C17orf67: variants seen among roughly 807,000 people sequenced by gnomAD.
C17orf67 encodes the protein chromosome 17 open reading frame 67.
C17orf67 carries 12 observed loss-of-function variants against 11.2 expected under a neutral mutation model. The observed-to-expected ratio is 1.07, with a 90% CI of 0.68 to 1.73. The LOEUF is 1.73. Among genes scored for constraint, C17orf67 ranks in the 40% most tolerant of loss-of-function variants. C17orf67 has a pLI of 0.00. For synonymous variants in C17orf67, 59 were observed against 46.9 expected (o/e 1.26, Z -1.05); for missense variants, 115 against 113.5 (o/e 1.01, Z -0.06).
At chr17:56,804,195 AAAG>A (rs1242553571) in intron 6 of C17orf67, 10 of 152,238 alleles carry the variant, frequency 6.6e-5, no homozygotes, top group African/African-American at 2.4e-4. Flanking sequence ...GCAGAAATTA[AAAG>A]TAGTCCTTTA....
intron 6 of C17orf67, among the ~76,000 whole-genome samples, chr17:56,812,186 A>G (rs1269097859): frequency 6.6e-6 from 1 of 152,266 alleles, no homozygotes; most frequent in Non-Finnish European, 1.5e-5. Flanking sequence ...AGACACACAC[A>G]GCGTGACAGA....
chr17:56,811,016 A>T (rs1394367028), intron 6 of C17orf67, among the ~76,000 whole-genome samples: 1 of 152,164 alleles, frequency 6.6e-6, no homozygotes, highest in Non-Finnish European at 1.5e-5. Context: ...CAGGGCCAGC[A>T]TGAGGTGAGG....
At chr17:56,808,770 G>A (rs1272735359) in intron 6 of C17orf67, among the ~76,000 whole-genome samples, 2 of 152,172 alleles carry the variant, frequency 1.3e-5, no homozygotes, top group Admixed American at 6.5e-5. Context: ...ATCCACAGAA[G>A]CCAACCTCTG....
At chr17:56,812,218 C>T (rs1905646374) in intron 6 of C17orf67, among the ~76,000 whole-genome samples, 1 of 152,202 alleles carries the variant, frequency 6.6e-6, no homozygotes, top group South Asian at 2.1e-4. Context: ...AAAAAGTTTA[C>T]TTGGCAATGT....
chr17:56,794,954 G>A (rs1213259304), intron 7 of C17orf67, 90 bp downstream of exon 7: 4 of 868,118 alleles, frequency 4.6e-6, no homozygotes, highest in African/African-American at 3.3e-5. Context: ...TGGCCCCCCT[G>A]AGGCATGGTC....
chr17:56,829,903 T>C (rs1461200506), intron 2 of C17orf67, among the ~76,000 whole-genome samples: 2 of 152,248 alleles, frequency 1.3e-5, no homozygotes, highest in Admixed American at 1.3e-4. Flanking sequence ...ATTTCTATTT[T>C]ATCCTCTACA....
At chr17:56,818,771 A>C (rs966751635) in intron 4 of C17orf67, among the ~76,000 whole-genome samples, 1 of 152,054 alleles carries the variant, frequency 6.6e-6, no homozygotes, top group Non-Finnish European at 1.5e-5. Flanking sequence ...CTTTTTTTGT[A>C]CTAAACCTTC....
chr17:56,805,888 T>A (rs963558747), intron 6 of C17orf67, among the ~76,000 whole-genome samples: 9 of 151,506 alleles, frequency 5.9e-5, no homozygotes, highest in Non-Finnish European at 1.2e-4. Flanking sequence ...ATACTTTTTT[T>A]AAATATATAC....
At chr17:56,801,003 C>T (rs1463866250) in intron 6 of C17orf67, among the ~76,000 whole-genome samples, 3 of 152,220 alleles carry the variant, frequency 2.0e-5, no homozygotes, top group Non-Finnish European at 2.9e-5. Context: ...GAGCTATGAT[C>T]GTGCCACCGC....
chr17:56,832,618 T>C (rs1305765941), intron 2 of C17orf67, among the ~76,000 whole-genome samples: 3 of 152,184 alleles, frequency 2.0e-5, no homozygotes, highest in Non-Finnish European at 4.4e-5. Context: ...CTAACCTTAC[T>C]TACACTGACC....
intron 6 of C17orf67, among the ~76,000 whole-genome samples, chr17:56,798,938 C>A (rs1445472114): frequency 2.0e-5 from 3 of 152,288 alleles, no homozygotes; most frequent in South Asian, 4.2e-4. Context: ...TGAAGGGGAG[C>A]TGATATACAC....
intron 5 of C17orf67, 105 bp downstream of exon 5, chr17:56,815,651 T>A (rs917265853): frequency 7.8e-6 from 7 of 894,570 alleles, no homozygotes; most frequent in Admixed American, 4.0e-5. Context: ...CATTGAAATA[T>A]CTATATACAC....
chr17:56,798,592 C>T (rs1418989962), intron 6 of C17orf67, among the ~76,000 whole-genome samples: 2 of 152,060 alleles, frequency 1.3e-5, no homozygotes, highest in Non-Finnish European at 2.9e-5. Flanking sequence ...ATTTGGGAGG[C>T]TGAGGTGGGC....
intron 2 of C17orf67, among the ~76,000 whole-genome samples, chr17:56,828,969 C>A (rs1473457108): frequency 2.0e-5 from 3 of 152,032 alleles, no homozygotes; most frequent in African/African-American, 4.8e-5. Context: ...ACAGCACCAA[C>A]GCAATGCTGA....
At position 56,815,801 on chromosome 17, in the gene C17orf67, A is replaced by G. The variant is rs759802017; in HGVS notation, c.10T>C (p.Leu4=). The change falls in exon 5 of 8, where the codon TTG becomes CTG. Residue 4 remains leucine (L), a synonymous_variant. Transcript: ENST00000397861. MKT[L]PVLVLSLTLL... is the part of the protein sequence containing the mutation. The stretch of plus-strand genomic sequence containing the variant: ...GTAAGAGACAGCACGAGCACAGGCA[A>G]TGTCTTCATCCTGCCTTGGTTCCTC... The G allele has an allele frequency of 6.2e-6, 10 of 1,613,796 alleles. No individual in the cohort carries two copies. Among genetic ancestry groups the G allele is most frequent in the Non-Finnish European group, 8.5e-6 (10 of 1,179,894 alleles).
At chr17:56,822,137 A>G (rs1291872559) in intron 4 of C17orf67, among the ~76,000 whole-genome samples, 2 of 152,238 alleles carry the variant, frequency 1.3e-5, no homozygotes, top group African/African-American at 2.4e-5. Flanking sequence ...ATCCCTCAGA[A>G]TAAATGACAG....
At chr17:56,801,327 A>T (rs1013613847) in intron 6 of C17orf67, among the ~76,000 whole-genome samples, 2 of 152,064 alleles carry the variant, frequency 1.3e-5, no homozygotes, top group Non-Finnish European at 2.9e-5. Flanking sequence ...TCAATATCAT[A>T]AAAACTCTAA....
At chr17:56,803,896 A>C (rs1905384139) in intron 6 of C17orf67, 1 of 152,244 alleles carries the variant, frequency 6.6e-6, no homozygotes, top group South Asian at 2.1e-4. Context: ...TATGCCACAA[A>C]GGCTTAAAAA....
At chr17:56,827,421 G>C (rs1161856138) in intron 2 of C17orf67, among the ~76,000 whole-genome samples, 1 of 152,194 alleles carries the variant, frequency 6.6e-6, no homozygotes, top group Non-Finnish European at 1.5e-5. Context: ...GCAGCACCTT[G>C]GAGCTTCTTA....
Sources: gnomAD v4.1 joint callset for allele counts (sites outside exome capture counted in the v4.1 genomes callset) on GRCh38, gnomAD v4.1.1 for gene constraint, MANE v1.5 for transcripts, NCBI Gene and HGNC (gene_info 2026-07-23, HGNC 2026-07-21) for gene names.